The following PRKAG2 variants were observed in gnomAD, a reference collection of about 807,000 sequenced individuals.
PRKAG2 encodes protein kinase AMP-activated non-catalytic subunit gamma 2, also known as 5'-AMP-activated protein kinase subunit gamma-2.
Under a neutral mutation model 69.6 loss-of-function variants are expected in PRKAG2, and 26 were observed. The observed-to-expected ratio is 0.37, with a 90% CI of 0.27 to 0.52. The LOEUF is 0.52. Ranked by LOEUF, PRKAG2 falls within the 20% of genes least tolerant of loss-of-function variation. PRKAG2 has a pLI of 0.90. For synonymous variants in PRKAG2, 293 were observed against 285.0 expected (o/e 1.03, Z -0.28); for missense variants, 557 against 740.0 (o/e 0.75, Z 2.87).
At chr7:151,701,647 T>C (rs1395971874) in intron 3 of PRKAG2, among the ~76,000 whole-genome samples, 1 of 152,004 alleles carries the variant, frequency 6.6e-6, no homozygotes, top group Non-Finnish European at 1.5e-5. Flanking sequence ...ATGGAGACCA[T>C]CCTGGCTAAC....
chr7:151,839,128 G>C (rs190682995), intron 1 of PRKAG2, among the ~76,000 whole-genome samples: 1 of 152,216 alleles, frequency 6.6e-6, no homozygotes. Context: ...GCAGGGGCAC[G>C]TTGGGCTTTA....
chr7:151,875,266 G>A (rs921542094), intron 1 of PRKAG2, among the ~76,000 whole-genome samples: 2 of 150,160 alleles, frequency 1.3e-5, no homozygotes, highest in African/African-American at 4.9e-5. Context: ...TTGGCATCAG[G>A]TGTCTGGAGA....
intron 3 of PRKAG2, among the ~76,000 whole-genome samples, chr7:151,723,044 G>C (rs1301240323): frequency 6.6e-6 from 1 of 152,132 alleles, no homozygotes; most frequent in African/African-American, 2.4e-5. Flanking sequence ...AGGAGAACTG[G>C]AGAAATTCTA....
chr7:151,594,183 A>G (rs1344388609), intron 6 of PRKAG2, among the ~76,000 whole-genome samples: 3 of 152,162 alleles, frequency 2.0e-5, no homozygotes, highest in African/African-American at 4.8e-5. Flanking sequence ...CAGCCCTTCC[A>G]GGGCCCTTGC....
chr7:151,736,069 C>T lies in PRKAG2; in HGVS notation c.466+45083G>A, dbSNP rs187602140. 1,091 of 1,531,192 alleles carry T rather than the reference C, an allele frequency of 7.1e-4. 4 individuals are homozygous for T. The African/African-American group carries it at 0.013, about 18-fold the overall frequency. The allele number at this position is 1,531,192 out of a possible 1,614,324, so 94.9% of individuals were successfully genotyped here. ...AGAACCGGTGTCAGCCCCAGGTGGC[C>T]GGGAGCCAGAGGAGCATCAGCCCGA... On this transcript the variant is annotated intron_variant, in intron 3 of 15. Transcript: ENST00000287878.
At chr7:151,565,232 C>T (rs1057119396) in intron 13 of PRKAG2, 114 bp downstream of exon 13, 8 of 901,114 alleles carry the variant, frequency 8.9e-6, no homozygotes, top group African/African-American at 1.7e-5. Flanking sequence ...ATCCTCACAC[C>T]CCAAAAGGTT....
chr7:151,675,340 A>T (rs1332685786), intron 4 of PRKAG2, 80 bp downstream of exon 4: 2 of 1,378,054 alleles, frequency 1.5e-6, no homozygotes, highest in African/African-American at 2.9e-5. Context: ...CTGCAGATAG[A>T]CTGCTCAGCT....
intron 3 of PRKAG2, among the ~76,000 whole-genome samples, chr7:151,778,696 C>T (rs75804896): frequency 0.1 from 15,481 of 152,228 alleles, 890 homozygotes; most frequent in Admixed American, 0.16. Context: ...TTCCACATCT[C>T]GCCACCGCCC....
intron 1 of PRKAG2, among the ~76,000 whole-genome samples, chr7:151,817,656 A>G (rs952026964): frequency 2.0e-5 from 3 of 152,308 alleles, no homozygotes; most frequent in South Asian, 2.1e-4. Context: ...GGTTATCACC[A>G]GGGCCCTCTC....
Position 151,688,042 on chromosome 7 carries a change from G to GCCCCCCCCCCCCCCCC in PRKAG2, c.467-12406_467-12405insGGGGGGGGGGGGGGGG, listed in dbSNP as rs61417635. Reference sequence around the variant, plus strand: ...AGGAGGAGGAGGAGGAGGAAATGAGGCCCCCCCCCGGGCTCCTTGCTGAGT... The same window carrying GCCCCCCCCCCCCCCCC: ...AGGAGGAGGAGGAGGAGGAAATGAGGCCCCCCCCCCCCCCCCCCCCCCCCCGGGCTCCTTGCTGAGT... On this transcript the variant is annotated intron_variant, in intron 3 of 15. Transcript: ENST00000287878. Among the ~76,000 whole-genome samples, 23 of 107,026 alleles carry GCCCCCCCCCCCCCCCC rather than the reference G, an allele frequency of 2.1e-4. 4 individuals are homozygous for GCCCCCCCCCCCCCCCC. Among genetic ancestry groups the GCCCCCCCCCCCCCCCC allele is most frequent in the Admixed American group, 2.8e-4 (3 of 10,602 alleles). The allele number at this position is 107,026 out of a possible 152,430, so 70.2% of individuals were successfully genotyped here. A position where few individuals can be genotyped will look rare whatever the true frequency, so the allele number is the denominator to read the frequency against.
Position 151,856,164 on chromosome 7 carries a change from A to C in PRKAG2, c.114+20343T>G, listed in dbSNP as rs573045457. Among the ~76,000 whole-genome samples the C allele has an allele frequency of 7.9e-5, 12 of 152,338 alleles. No homozygotes were observed. In the South Asian group the frequency reaches 1.9e-3, roughly 24 times the overall value. ...CTACATAGGGTATCATTTAATTCTCATGGCCACCTGCAGGCAGGTATTCTT... is the reference window on the plus strand; with the variant it reads ...CTACATAGGGTATCATTTAATTCTCCTGGCCACCTGCAGGCAGGTATTCTT... On this transcript the variant is annotated intron_variant, in intron 1 of 15. Transcript: ENST00000287878.
intron 3 of PRKAG2, among the ~76,000 whole-genome samples, chr7:151,687,990 C>T (rs890718649): frequency 4.7e-5 from 6 of 126,350 alleles, no homozygotes; most frequent in Non-Finnish European, 8.5e-5. Context: ...CAAGACTTGG[C>T]ACTTTGGGTT....
intron 5 of PRKAG2, among the ~76,000 whole-genome samples, chr7:151,630,510 T>C (rs1824154216): frequency 6.6e-6 from 1 of 152,244 alleles, no homozygotes; most frequent in Non-Finnish European, 1.5e-5. Flanking sequence ...AAACACCTGA[T>C]ATTAGCTCTA....
At chr7:151,595,234 A>G (rs551466387) in intron 6 of PRKAG2, 111 bp downstream of exon 6, 30 of 756,206 alleles carry the variant, frequency 4.0e-5, no homozygotes, top group Non-Finnish European at 6.0e-5. Context: ...AGTGCCCGAT[A>G]GTGCAAAGGA....
intron 14 of PRKAG2, 27 bp downstream of exon 14, chr7:151,564,051 G>T (rs1202557404): frequency 1.9e-6 from 3 of 1,613,602 alleles, no homozygotes; most frequent in African/African-American, 1.3e-5. Context: ...GGACGTCGGG[G>T]GAGCAGGACT....
rs906076112 is a variant in PRKAG2, at chr7:151,757,482, T to A, written c.466+23670A>T. On this transcript the variant is annotated intron_variant, in intron 3 of 15. Coordinates refer to ENST00000287878, the MANE Select transcript of PRKAG2 (RefSeq NM_016203.4). ...CGCTCCAGGGTGGGGGTCAACCATG[T>A]GGAATGGGAGATTCGGATTCAACCA... Among the ~76,000 whole-genome samples, 7 of 152,350 alleles carry A rather than the reference T, an allele frequency of 4.6e-5. No homozygotes were observed. The East Asian group carries it at 1.2e-3, about 25-fold the overall frequency.
intron 4 of PRKAG2, among the ~76,000 whole-genome samples, chr7:151,659,233 A>T (rs1829940668): frequency 6.6e-6 from 1 of 152,168 alleles, no homozygotes; most frequent in African/African-American, 2.4e-5. Context: ...TTTTGCATAG[A>T]CTTAAAAAAA....
intron 3 of PRKAG2, among the ~76,000 whole-genome samples, chr7:151,730,946 T>G (rs1261352757): frequency 3.9e-5 from 6 of 152,170 alleles, no homozygotes; most frequent in African/African-American, 7.2e-5. Flanking sequence ...CCGGTCTTAC[T>G]GGGACCCTGG....
At position 151,694,030 on chromosome 7, in the gene PRKAG2, C is replaced by T. The variant is rs140185713; in HGVS notation, c.467-18393G>A. Among the ~76,000 whole-genome samples, 238 of 152,298 alleles carry T rather than the reference C, an allele frequency of 1.6e-3. 10 individuals carry two copies. The East Asian group carries it at 0.044, about 28-fold the overall frequency. On this transcript the variant is annotated intron_variant, in intron 3 of 15. Coordinates refer to ENST00000287878, the MANE Select transcript of PRKAG2 (RefSeq NM_016203.4). ...GGGATTACAGTTGCTCACCACCACA[C>T]CCAGCTAATTTTTTTCTATTTTTAG...
Sources: allele counts gnomAD v4.1 joint callset (sites outside exome capture counted in the v4.1 genomes callset), GRCh38; gene constraint gnomAD v4.1.1; transcripts MANE v1.5; gene names NCBI Gene and HGNC (gene_info 2026-07-23, HGNC 2026-07-21).